Variants in BEAN1 observed in about 807,000 individuals in gnomAD.
The protein encoded by BEAN1 is brain expressed associated with NEDD4 1.
A neutral mutation model predicts 17.7 loss-of-function variants in BEAN1; 17 were observed. The observed-to-expected ratio is 0.96, with a 90% CI of 0.66 to 1.44. The LOEUF (loss-of-function observed/expected upper bound fraction) is 1.44. Ranked by LOEUF, BEAN1 falls within the 40% of genes most tolerant of loss-of-function variation. The pLI is 0.00. For synonymous variants in BEAN1, 142 were observed against 151.8 expected (o/e 0.94, Z 0.47); for missense variants, 359 against 374.1 (o/e 0.96, Z 0.33).
chr16:66,452,896 AG>A (rs935998591), intron 2 of BEAN1, among the ~76,000 whole-genome samples: 1 of 152,146 alleles, frequency 6.6e-6, no homozygotes, highest in African/African-American at 2.4e-5. Context: ...AGTCAGAACC[AG>A]GTTCAAATCC....
intron 1 of BEAN1, among the ~76,000 whole-genome samples, chr16:66,431,605 T>TG (rs1961803724): frequency 7.1e-6 from 1 of 141,094 alleles, no homozygotes; most frequent in Non-Finnish European, 1.5e-5. Context: ...ATTCCCTAGT[T>TG]TTTTTTTTTC....
At chr16:66,462,179 C>T (rs1325511437) in intron 2 of BEAN1, among the ~76,000 whole-genome samples, 2 of 152,178 alleles carry the variant, frequency 1.3e-5, no homozygotes, top group Admixed American at 1.3e-4. Flanking sequence ...GTCAAACAAG[C>T]CAAATTAAAC....
chr16:66,451,235 C>T (rs1962661939), intron 2 of BEAN1: 1 of 153,066 alleles, frequency 6.5e-6, no homozygotes, highest in Non-Finnish European at 1.5e-5. Flanking sequence ...CTCCCAGGCA[C>T]CAGTACAGAC....
intron 2 of BEAN1, among the ~76,000 whole-genome samples, chr16:66,457,206 G>C (rs1248444798): frequency 6.6e-6 from 1 of 152,138 alleles, no homozygotes; most frequent in Non-Finnish European, 1.5e-5. Flanking sequence ...TGAGGGGATG[G>C]GTGGATGGAT....
chr16:66,435,886 A>G (rs1426494744), intron 1 of BEAN1, among the ~76,000 whole-genome samples: 1 of 152,126 alleles, frequency 6.6e-6, no homozygotes, highest in East Asian at 1.9e-4. Flanking sequence ...AGCTCTGCCA[A>G]TTCTTGGCAG....
At chr16:66,487,103 C>T (rs1430567135), downstream of BEAN1, among the ~76,000 whole-genome samples, 2 of 152,232 alleles carry the variant, frequency 1.3e-5, no homozygotes, top group Non-Finnish European at 2.9e-5. Context: ...CTGAGCTCCA[C>T]ACTGAGGGCA....
intron 4 of BEAN1, among the ~76,000 whole-genome samples, chr16:66,478,410 G>A (rs1323112907): frequency 2.6e-5 from 4 of 151,770 alleles, no homozygotes; most frequent in African/African-American, 9.7e-5. Flanking sequence ...AGACCATCCT[G>A]GCTAACACGG....
In BEAN1 at chr16:66,482,791, A is replaced by C; in HGVS notation, c.*1866A>C. ...ATGTATCTTTTCTGTGTTCAAAATA[A>C]ATACATAATATCAATAAAATGTAGC... On this transcript the variant is annotated 3_prime_UTR_variant, in exon 5 of 5. Coordinates refer to ENST00000536005, the MANE Select transcript of BEAN1 (RefSeq NM_001178020.3). 1 of 442,912 alleles carries C rather than the reference A, an allele frequency of 2.3e-6. No individual in the cohort carries two copies. The highest frequency in any genetic ancestry group is 4.5e-6 in the Non-Finnish European group (1 of 223,512). 27.4% of individuals were successfully genotyped at this position (442,912 alleles called of 1,614,324 possible).
At chr16:66,490,396 C>CAATAAAATAAAATAA (rs202234411) in intron 4 of BEAN1, among the ~76,000 whole-genome samples, 7,174 of 67,508 alleles carry the variant, frequency 0.11, 920 homozygotes, top group East Asian at 0.17. Context: ...GACTCTGTTT[C>CAATAAAATAAAATAA]AATAAAATAA....
At chr16:66,445,203 G>A (rs540294653) in intron 2 of BEAN1, among the ~76,000 whole-genome samples, 19 of 152,214 alleles carry the variant, frequency 1.2e-4, no homozygotes, top group Admixed American at 7.2e-4. Flanking sequence ...GTGGCCGGGC[G>A]TGGTGGCTCA....
chr16:66,429,155 T>A (rs1356862173), intron 1 of BEAN1, among the ~76,000 whole-genome samples: 1 of 152,128 alleles, frequency 6.6e-6, no homozygotes, highest in Non-Finnish European at 1.5e-5. Flanking sequence ...GACACACCGA[T>A]GGTGACGGTT....
At chr16:66,493,150 C>T (rs149611294) in exon 5 of BEAN1, 8 of 702,956 alleles carry the variant, frequency 1.1e-5, no homozygotes, top group South Asian at 3.0e-5. Flanking sequence ...CATGTGAAGC[C>T]GTTCTCAGAA....
At chr16:66,484,023 AC>A (rs1964050144), downstream of BEAN1, 1 of 158,238 alleles carries the variant, frequency 6.3e-6, no homozygotes, top group Non-Finnish European at 1.4e-5. This position sits in a 1 kb window ranked among gnomAD's most constrained non-coding sequence, Gnocchi z 4.2. Context: ...TGCAGACAAA[AC>A]CCGTCATTTT....
intron 3 of BEAN1, chr16:66,470,181 T>A: frequency 5.5e-6 from 2 of 366,280 alleles, no homozygotes; most frequent in Non-Finnish European, 9.6e-6. Context: ...GATGGATGGA[T>A]GGATGGATGG....
At chr16:66,450,598 G>A (rs1962636463) in intron 2 of BEAN1, among the ~76,000 whole-genome samples, 1 of 152,060 alleles carries the variant, frequency 6.6e-6, no homozygotes, top group African/African-American at 2.4e-5. Flanking sequence ...CACACCTATA[G>A]TCCCAGCTAC....
chr16:66,448,158 C>T lies in BEAN1; in HGVS notation c.25+10457C>T, dbSNP rs541262635. 1.3e-4 allele frequency among the ~76,000 whole-genome samples: 20 copies of T among 152,316 alleles called. No individual in the cohort carries two copies. The East Asian group carries it at 3.9e-3, about 29-fold the overall frequency. On this transcript the variant is annotated intron_variant, in intron 2 of 4. Coordinates refer to ENST00000536005, the MANE Select transcript of BEAN1 (RefSeq NM_001178020.3). ...CCAAGACACTAGGAGAATCTCTGAA[C>T]ATCTACAGCAAGAACCGAGAATTCC...
At chr16:66,431,010 C>T (rs1482339834) in intron 1 of BEAN1, among the ~76,000 whole-genome samples, 1 of 152,122 alleles carries the variant, frequency 6.6e-6, no homozygotes, top group African/African-American at 2.4e-5. Context: ...ATAGGACTTG[C>T]TCAAGTGCCA....
In BEAN1 at chr16:66,430,711, T is replaced by G. The variant is rs542507604; in HGVS notation, c.-83+3280T>G. 7.9e-5 allele frequency among the ~76,000 whole-genome samples: 12 copies of G among 152,352 alleles called. No homozygotes were observed. The East Asian group carries it at 1.9e-3, about 24-fold the overall frequency. On this transcript the variant is annotated intron_variant, in intron 1 of 4. Transcript: ENST00000536005. The stretch of plus-strand genomic sequence containing the variant: ...TTACCTATCCTTCTTCTCTCCATTT[T>G]TCTCTAGAGCACTTATTACCTCCAA...
At chr16:66,488,672 G>A (rs192993216) in intron 4 of BEAN1, among the ~76,000 whole-genome samples, 120 of 151,924 alleles carry the variant, frequency 7.9e-4, no homozygotes, top group Non-Finnish European at 1.3e-3. Context: ...ACTCCAGCCT[G>A]GGCAACAGGG....
Sources: allele counts gnomAD v4.1 joint callset (sites outside exome capture counted in the v4.1 genomes callset), GRCh38; gene constraint gnomAD v4.1.1; non-coding constraint Gnocchi (gnomAD v3.1); transcripts MANE v1.5; gene names NCBI Gene and HGNC (gene_info 2026-07-23, HGNC 2026-07-21).